The following ATG4B variants were observed in gnomAD, a reference collection of about 807,000 sequenced individuals.
ATG4B encodes autophagy related 4B cysteine peptidase.
ATG4B carries 29 observed loss-of-function variants against 56.6 expected under a neutral mutation model. The observed-to-expected ratio is 0.51, with a 90% CI of 0.38 to 0.70. The LOEUF is 0.70. ATG4B is among the 30% of genes least tolerant of loss of function. The pLI is 0.00. For synonymous variants in ATG4B, 224 were observed against 206.1 expected, an observed-to-expected ratio of 1.09 and a Z score of -0.74; for missense variants, 461 against 515.5, an observed-to-expected ratio of 0.89 and a Z score of 1.02.
At chr2:241,649,228 T>C (rs1022390738) in intron 1 of ATG4B, among the ~76,000 whole-genome samples, 1 of 152,118 alleles carries the variant, frequency 6.6e-6, no homozygotes, top group Non-Finnish European at 1.5e-5. Context: ...TCAGCTTAGG[T>C]GGAGATCTGT....
intron 1 of ATG4B, among the ~76,000 whole-genome samples, chr2:241,649,199 C>T (rs2068155220): frequency 6.6e-6 from 1 of 152,206 alleles, no homozygotes; most frequent in Non-Finnish European, 1.5e-5. Flanking sequence ...CAGAAGTTCA[C>T]ACACGATGCT....
chr2:241,672,614 C>T lies in ATG4B; in HGVS notation c.*350C>T. On this transcript the variant is annotated 3_prime_UTR_variant, in exon 13 of 13. Transcript: ENST00000404914. ...CTGTGGTTGGTTTGGAATTAAAGTC[C>T]TGTTTGAAGTTGTCAGACACAGACA... 3.2e-6 allele frequency: 1 copy of T among 310,984 alleles called. No homozygotes were observed. Among genetic ancestry groups the T allele is most frequent in the South Asian group, 4.0e-5 (1 of 24,752 alleles). 19.3% of individuals were successfully genotyped at this position (310,984 alleles called of 1,614,324 possible). A position where few individuals can be genotyped will look rare whatever the true frequency, so the allele number is the denominator to read the frequency against.
intron 8 of ATG4B, chr2:241,667,798 G>T: frequency 4.0e-6 from 1 of 249,846 alleles, no homozygotes; most frequent in South Asian, 7.1e-5. Context: ...CCACACATAG[G>T]CCCCGTCTCC....
At chr2:241,655,593 C>T (rs1270337395) in intron 6 of ATG4B, 4 of 541,634 alleles carry the variant, frequency 7.4e-6, no homozygotes, top group South Asian at 2.2e-5. Context: ...CTGCATGGAT[C>T]CACCTGTAAT....
intron 1 of ATG4B, among the ~76,000 whole-genome samples, chr2:241,644,997 C>G (rs1002520226): frequency 1.3e-5 from 2 of 151,928 alleles, no homozygotes; most frequent in Non-Finnish European, 2.9e-5. Context: ...AAAAAGTTAT[C>G]TTCCTCCATT....
intron 10 of ATG4B, 159 bp from the exon 11 acceptor site, chr2:241,670,567 G>A (rs1266779891): frequency 4.3e-6 from 3 of 703,866 alleles, no homozygotes; most frequent in South Asian, 3.4e-5. Context: ...CACCCTCGGA[G>A]CTCCGTTCCT....
At chr2:241,647,568 C>G (rs1325315065) in intron 1 of ATG4B, among the ~76,000 whole-genome samples, 1 of 145,524 alleles carries the variant, frequency 6.9e-6, no homozygotes. Context: ...TGCAGTGAGC[C>G]GAGATCGCGC....
At chr2:241,638,813 A>G (rs2067777907) in intron 1 of ATG4B, among the ~76,000 whole-genome samples, 1 of 152,192 alleles carries the variant, frequency 6.6e-6, no homozygotes, top group African/African-American at 2.4e-5. Flanking sequence ...TATCTTGTGA[A>G]GTTTGTCTTT....
At chr2:241,654,800 G>A in intron 5 of ATG4B, 153 bp downstream of exon 5, 1 of 649,534 alleles carries the variant, frequency 1.5e-6, no homozygotes. Flanking sequence ...GTGCGCTGCT[G>A]TCACATCACC....
rs1269360562 is a variant in ATG4B, at chr2:241,673,338, C to G, written c.*1074C>G. 2.8e-6 allele frequency: 1 copy of G among 356,988 alleles called. No homozygotes were observed. The highest frequency in any genetic ancestry group is 5.6e-6 in the Non-Finnish European group (1 of 179,994). The allele number at this position is 356,988 out of a possible 1,614,324, so 22.1% of individuals were successfully genotyped here. A position where few individuals can be genotyped will look rare whatever the true frequency, so the allele number is the denominator to read the frequency against. On this transcript the variant is annotated 3_prime_UTR_variant, in exon 13 of 13. Transcript: ENST00000404914. ...CCCGGGTCCCAGAGTGCACTCTGCC[C>G]CGCTGCTCTGCTGCCTGTCCTGGGA... is the stretch of plus-strand genomic sequence containing the variant.
intron 4 of ATG4B, 89 bp downstream of exon 4, chr2:241,653,699 A>G (rs4567973): frequency 0.14 from 155,296 of 1,103,272 alleles, 11,961 homozygotes; most frequent in Middle Eastern, 0.27. Flanking sequence ...AGAGCAGACC[A>G]CAGGTAAAAC....
Position 241,672,416 on chromosome 2 carries a change from C to G in ATG4B, c.*152C>G. 1.4e-6 allele frequency: 1 copy of G among 708,668 alleles called. No homozygotes were observed. Among genetic ancestry groups the G allele is most frequent in the Non-Finnish European group, 2.3e-6 (1 of 426,246 alleles). 43.9% of individuals were successfully genotyped at this position (708,668 alleles called of 1,614,324 possible). A position where few individuals can be genotyped will look rare whatever the true frequency, so the allele number is the denominator to read the frequency against. On this transcript the variant is annotated 3_prime_UTR_variant, in exon 13 of 13. Transcript: ENST00000404914. ...GCTGTGCTCGTGGACTGAGGCTGCGCTGCCCGGGAGGCCTTACTGCTTGGT... is the reference window on the plus strand; with the variant it reads ...GCTGTGCTCGTGGACTGAGGCTGCGGTGCCCGGGAGGCCTTACTGCTTGGT...
Position 241,668,253 on chromosome 2 carries a change from G to C in ATG4B, c.811+32G>C. 1 of 1,564,702 alleles carries C rather than the reference G, an allele frequency of 6.4e-7. No homozygotes were observed. The highest frequency in any genetic ancestry group is 1.4e-5 in the African/African-American group (1 of 73,602). ...CCAGGGTTCCCACCGTGTCCCTGTG[G>C]GCCTGGGCCTTTTAAGGGCATTCCA... On this transcript the variant is annotated intron_variant, in intron 9 of 12. Transcript: ENST00000404914. The surrounding 1 kb of genome is among the most constrained non-coding windows in gnomAD (Gnocchi z 4.2).
intron 5 of ATG4B, chr2:241,654,916 G>C (rs2068348532): frequency 3.5e-6 from 2 of 574,270 alleles, no homozygotes; most frequent in Non-Finnish European, 6.2e-6. Context: ...GCACAGTCTG[G>C]GGAAATTGGC....
chr2:241,647,420 C>T (rs886297566), intron 1 of ATG4B, among the ~76,000 whole-genome samples: 1 of 150,726 alleles, frequency 6.6e-6, no homozygotes, highest in African/African-American at 2.4e-5. Flanking sequence ...AGATTGAGAC[C>T]ATCCTGGCTA....
intron 1 of ATG4B, among the ~76,000 whole-genome samples, chr2:241,639,053 C>T (rs2067794108): frequency 6.6e-6 from 1 of 152,128 alleles, no homozygotes; most frequent in African/African-American, 2.4e-5. Flanking sequence ...CACCGGTGGG[C>T]ACCTGGTTTG....
At position 241,637,739 on chromosome 2, in the gene ATG4B, G is replaced by C. The variant is rs760555468; in HGVS notation, c.10+15G>C. 9 of 1,573,242 alleles carry C rather than the reference G, an allele frequency of 5.7e-6. No individual in the cohort carries two copies. In the East Asian group the frequency reaches 2.0e-4, roughly 35 times the overall value. On this transcript the variant is annotated intron_variant, in intron 1 of 12. Coordinates refer to ENST00000404914, the MANE Select transcript of ATG4B (RefSeq NM_013325.5). The stretch of plus-strand genomic sequence containing the variant: ...GATGGACGCAGGTGAGGAGTTGCCG[G>C]GGGTCGGTCTTTCCGCAGGAGGTGC...
At chr2:241,650,757 T>A (rs1001316133) in intron 1 of ATG4B, among the ~76,000 whole-genome samples, 7 of 151,926 alleles carry the variant, frequency 4.6e-5, no homozygotes, top group Admixed American at 3.9e-4. Flanking sequence ...GCTCAGGAAG[T>A]AGCATGCTGG....
At chr2:241,653,701 A>G in intron 4 of ATG4B, 91 bp downstream of exon 4, 1 of 1,086,724 alleles carries the variant, frequency 9.2e-7, no homozygotes, top group Middle Eastern at 2.0e-4. Context: ...AGCAGACCAC[A>G]GGTAAAACAG....
Sources: allele counts gnomAD v4.1 joint callset (sites outside exome capture counted in the v4.1 genomes callset), GRCh38; gene constraint gnomAD v4.1.1; non-coding constraint Gnocchi (gnomAD v3.1); transcripts MANE v1.5; gene names NCBI Gene and HGNC (gene_info 2026-07-23, HGNC 2026-07-21).